The following ITGA8 variants were observed in gnomAD, a reference collection of about 807,000 sequenced individuals.
ITGA8 encodes integrin alpha-8.
A neutral mutation model predicts 142.3 loss-of-function variants in ITGA8; 91 were observed. That is an observed-to-expected ratio of 0.64 (90% CI 0.54 to 0.76). The LOEUF is 0.76. Ranked by LOEUF, ITGA8 falls within the 30% of genes least tolerant of loss-of-function variation. The pLI is 0.00. For missense variants in ITGA8, 1,406 were observed against 1,327.7 expected (o/e 1.06, Z -0.92); for synonymous variants, 505 against 485.2 (o/e 1.04, Z -0.54).
At chr10:15,662,651 A>C (rs1404152890) in intron 8 of ITGA8, among the ~76,000 whole-genome samples, 1 of 152,068 alleles carries the variant, frequency 6.6e-6, no homozygotes, top group Non-Finnish European at 1.5e-5. Context: ...AAGGTTTTTA[A>C]TAATCAATAT....
intron 13 of ITGA8, among the ~76,000 whole-genome samples, chr10:15,635,632 A>G (rs543177082): frequency 2.0e-5 from 3 of 152,168 alleles, no homozygotes; most frequent in Non-Finnish European, 4.4e-5. Flanking sequence ...TTTGATCTAC[A>G]TGCATGAGAT....
chr10:15,695,793 A>G (rs1192048984), intron 2 of ITGA8, among the ~76,000 whole-genome samples: 1 of 152,218 alleles, frequency 6.6e-6, no homozygotes, highest in Non-Finnish European at 1.5e-5. Context: ...TTTTCTGGTG[A>G]CAGCCTCAGG....
At chr10:15,708,677 C>T (rs1445133779) in intron 2 of ITGA8, among the ~76,000 whole-genome samples, 7 of 152,130 alleles carry the variant, frequency 4.6e-5, no homozygotes, top group East Asian at 1.9e-4. Context: ...GATACAATTT[C>T]GATAGGTGCA....
chr10:15,660,249 T>C (rs1171344247), intron 9 of ITGA8, among the ~76,000 whole-genome samples: 1 of 152,226 alleles, frequency 6.6e-6, no homozygotes, highest in Non-Finnish European at 1.5e-5. Context: ...TAGATGGGTC[T>C]CACCCTTGGT....
intron 3 of ITGA8, among the ~76,000 whole-genome samples, chr10:15,687,294 G>A (rs533644485): frequency 1.3e-5 from 2 of 151,436 alleles, no homozygotes; most frequent in Non-Finnish European, 2.9e-5. Context: ...AAGCCAATAG[G>A]TTGAAAAAAT....
At chr10:15,535,280 G>A (rs998639759) in intron 27 of ITGA8, among the ~76,000 whole-genome samples, 8 of 152,108 alleles carry the variant, frequency 5.3e-5, no homozygotes, top group African/African-American at 1.2e-4. Context: ...CCTGCTCCAC[G>A]GTACCCAGTC....
intron 13 of ITGA8, among the ~76,000 whole-genome samples, chr10:15,643,766 T>G (rs950864735): frequency 3.3e-5 from 5 of 152,240 alleles, no homozygotes; most frequent in African/African-American, 1.2e-4. Context: ...GGTTGTGAAG[T>G]TGACAAGTTT....
chr10:15,612,017 C>T (rs894769655), intron 15 of ITGA8, among the ~76,000 whole-genome samples: 1 of 152,134 alleles, frequency 6.6e-6, no homozygotes, highest in African/African-American at 2.4e-5. Flanking sequence ...TACTCATGAA[C>T]AAGTAGCAAC....
intron 2 of ITGA8, among the ~76,000 whole-genome samples, chr10:15,696,011 C>A (rs1355634113): frequency 3.3e-5 from 5 of 152,172 alleles, no homozygotes; most frequent in Non-Finnish European, 7.3e-5. Flanking sequence ...CCAGACTCTG[C>A]GTGAAATTCC....
chr10:15,549,201 GTTTTTTTTTTTTTTTTT>G (rs67683436), intron 26 of ITGA8, among the ~76,000 whole-genome samples: 5 of 107,338 alleles, frequency 4.7e-5, no homozygotes, highest in South Asian at 2.7e-4. Context: ...TTTCTTTTCT[GTTTTTTTTTTTTTTTTT>G]TTTTTTTTTG....
intron 25 of ITGA8, among the ~76,000 whole-genome samples, chr10:15,561,583 G>A (rs1833982367): frequency 6.6e-6 from 1 of 152,086 alleles, no homozygotes; most frequent in Admixed American, 6.6e-5. Context: ...TTTTGAAGAT[G>A]GGAGAAATTT....
intron 14 of ITGA8, among the ~76,000 whole-genome samples, chr10:15,614,499 A>G (rs568397449): frequency 2.6e-5 from 4 of 152,230 alleles, no homozygotes; most frequent in African/African-American, 9.6e-5. Context: ...TATGTAGCCA[A>G]ATTTGAGGAG....
At chr10:15,664,532 ATACT>A (rs1834348993) in intron 8 of ITGA8, among the ~76,000 whole-genome samples, 1 of 150,468 alleles carries the variant, frequency 6.6e-6, no homozygotes, top group Non-Finnish European at 1.5e-5. Flanking sequence ...TATTATTATT[ATACT>A]TTAAGTTTTA....
At chr10:15,573,284 C>G (rs1051179575) in intron 24 of ITGA8, among the ~76,000 whole-genome samples, 1 of 152,132 alleles carries the variant, frequency 6.6e-6, no homozygotes, top group African/African-American at 2.4e-5. Context: ...TTTCATGATC[C>G]ACATTTATGC....
intron 11 of ITGA8, among the ~76,000 whole-genome samples, chr10:15,651,745 A>G (rs1207911711): frequency 6.6e-6 from 1 of 152,172 alleles, no homozygotes; most frequent in Non-Finnish European, 1.5e-5. Flanking sequence ...AACCATGAGC[A>G]ATGACCTAGC....
rs963023737 is a variant in ITGA8 at position 15,516,228 on chromosome 10, C to T, written c.*930G>A. On this transcript the variant is annotated 3_prime_UTR_variant, in exon 30 of 30. Transcript: ENST00000378076. ...AACACTCCAAAGGTAGAGAGTACCT[C>T]GAAATTCATGTATTAACTAAGTCAA... 6.6e-6 allele frequency: 1 copy of T among 152,086 alleles called. No individual in the cohort carries two copies. Among genetic ancestry groups the T allele is most frequent in the East Asian group, 1.9e-4 (1 of 5,192 alleles). 9.4% of individuals were successfully genotyped at this position (152,086 alleles called of 1,614,324 possible). A position where few individuals can be genotyped will look rare whatever the true frequency, so the allele number is the denominator to read the frequency against.
At chr10:15,535,554 C>T (rs969000688) in intron 27 of ITGA8, among the ~76,000 whole-genome samples, 4 of 152,148 alleles carry the variant, frequency 2.6e-5, no homozygotes, top group Non-Finnish European at 4.4e-5. Flanking sequence ...CACTCTGTAT[C>T]TAGCTTCTCT....
intron 13 of ITGA8, among the ~76,000 whole-genome samples, chr10:15,620,867 G>T (rs1833478564): frequency 6.6e-6 from 1 of 152,136 alleles, no homozygotes; most frequent in African/African-American, 2.4e-5. Flanking sequence ...TTATATTTAT[G>T]CTGGAGTGTG....
chr10:15,657,359 T>C (rs551991410), intron 10 of ITGA8, among the ~76,000 whole-genome samples: 1 of 152,296 alleles, frequency 6.6e-6, no homozygotes, highest in Admixed American at 6.5e-5. Context: ...CTCAGTCTTA[T>C]TTCTCCAAAC....
Sources: gnomAD v4.1 joint callset for allele counts (sites outside exome capture counted in the v4.1 genomes callset) on GRCh38, gnomAD v4.1.1 for gene constraint, MANE v1.5 for transcripts, NCBI Gene and HGNC (gene_info 2026-07-23, HGNC 2026-07-21) for gene names.